The following NTN4 variants were observed in gnomAD, a reference collection of about 807,000 sequenced individuals.
NTN4 encodes the protein netrin-4.
Under a neutral mutation model 73.6 loss-of-function variants are expected in NTN4, and 32 were observed. The ratio of observed to expected loss-of-function variants is 0.44; its 90% CI spans 0.33 to 0.58. The LOEUF is 0.58. NTN4 is among the 20% of genes least tolerant of loss of function. NTN4 has a pLI of 0.04. For missense variants in NTN4, 654 were observed against 798.3 expected (o/e 0.82, Z 2.18); for synonymous variants, 258 against 287.5 (o/e 0.90, Z 1.04).
At chr12:95,766,052 C>A (rs1202491750) in intron 2 of NTN4, among the ~76,000 whole-genome samples, 1 of 152,130 alleles carries the variant, frequency 6.6e-6, no homozygotes, top group Non-Finnish European at 1.5e-5. Context: ...AAAATGTCAC[C>A]CATTAATACA....
At chr12:95,758,138 A>C (rs2078960349) in intron 2 of NTN4, among the ~76,000 whole-genome samples, 1 of 152,232 alleles carries the variant, frequency 6.6e-6, no homozygotes, top group East Asian at 1.9e-4. Flanking sequence ...GTGGATATTT[A>C]TAAGGAACTG....
intron 3 of NTN4, among the ~76,000 whole-genome samples, chr12:95,736,890 T>G (rs1209961909): frequency 6.6e-6 from 1 of 152,244 alleles, no homozygotes; most frequent in African/African-American, 2.4e-5. Flanking sequence ...TGGTGGCCTA[T>G]CGTATACTAG....
intron 2 of NTN4, among the ~76,000 whole-genome samples, chr12:95,775,605 G>A (rs7308791): frequency 0.61 from 93,340 of 152,118 alleles, 29,309 homozygotes; most frequent in South Asian, 0.78. Context: ...GTCTGAGATC[G>A]AACTGCAAGG....
chr12:95,665,672 A>G (rs1417887570), intron 9 of NTN4, 138 bp downstream of exon 9: 2 of 584,668 alleles, frequency 3.4e-6, no homozygotes, highest in African/African-American at 3.8e-5. Flanking sequence ...TTCCATTTGG[A>G]TTTTCCGCAG....
chr12:95,776,446 C>T (rs541433287), intron 2 of NTN4, among the ~76,000 whole-genome samples: 78 of 152,250 alleles, frequency 5.1e-4, no homozygotes, highest in Non-Finnish European at 9.4e-4. Context: ...CTAGAATAAC[C>T]AATGTAGAGA....
intron 5 of NTN4, among the ~76,000 whole-genome samples, chr12:95,709,940 A>G (rs1207692439): frequency 6.6e-6 from 1 of 152,238 alleles, no homozygotes; most frequent in African/African-American, 2.4e-5. Flanking sequence ...TTCCTAAATT[A>G]GTTATGATAG....
intron 2 of NTN4, among the ~76,000 whole-genome samples, chr12:95,771,732 G>T (rs186901072): frequency 8.7e-4 from 133 of 152,164 alleles, no homozygotes; most frequent in Non-Finnish European, 1.7e-3. Flanking sequence ...AAAATCTGAA[G>T]GTCTCTAAAA....
chr12:95,693,779 T>C (rs1362802228), intron 5 of NTN4, among the ~76,000 whole-genome samples: 1 of 150,950 alleles, frequency 6.6e-6, no homozygotes, highest in Non-Finnish European at 1.5e-5. Flanking sequence ...AACCTATTAC[T>C]CTTATTTTGT....
chr12:95,673,215 G>A lies in NTN4; in HGVS notation c.1511-3069C>T, dbSNP rs368427992. On this transcript the variant is annotated intron_variant, in intron 7 of 9. Coordinates refer to ENST00000343702, the MANE Select transcript of NTN4 (RefSeq NM_021229.4). ...ATGAGGACCAGTGGCTCCCATTTTC[G>A]TTTTAGCCATTTTTGTCTCCTGCAC... The A allele has an allele frequency of 8.6e-5, 38 of 439,446 alleles. No homozygotes were observed. The East Asian group carries it at 9.6e-4, about 11-fold the overall frequency. 27.2% of individuals were successfully genotyped at this position (439,446 alleles called of 1,614,324 possible).
intron 2 of NTN4, among the ~76,000 whole-genome samples, chr12:95,774,046 T>C (rs1011454178): frequency 6.6e-6 from 1 of 152,178 alleles, no homozygotes; most frequent in Non-Finnish European, 1.5e-5. Flanking sequence ...ATATACTTCT[T>C]CTATCTAATG....
chr12:95,710,960 C>T (rs2431013), intron 4 of NTN4, among the ~76,000 whole-genome samples: 49,241 of 152,008 alleles, frequency 0.32, 9,721 homozygotes, highest in East Asian at 0.57. Context: ...GCTGAGATTG[C>T]GCCACTGCAC....
At chr12:95,770,648 A>G (rs1368902827) in intron 2 of NTN4, among the ~76,000 whole-genome samples, 3 of 152,232 alleles carry the variant, frequency 2.0e-5, no homozygotes, top group Non-Finnish European at 2.9e-5. Context: ...AGTTCTTGAC[A>G]TAGATTAAAC....
intron 3 of NTN4, among the ~76,000 whole-genome samples, chr12:95,714,252 T>G (rs1291588302): frequency 1.3e-5 from 2 of 152,204 alleles, no homozygotes; most frequent in African/African-American, 4.8e-5. Context: ...TCCTGATAAC[T>G]GAGACTTGCA....
chr12:95,778,262 A>T (rs1379944469), intron 2 of NTN4, among the ~76,000 whole-genome samples: 1 of 152,174 alleles, frequency 6.6e-6, no homozygotes, highest in Non-Finnish European at 1.5e-5. Flanking sequence ...CTAGAGAAGC[A>T]AGAGCAAACA....
At chr12:95,758,595 C>G (rs1380494511) in intron 2 of NTN4, among the ~76,000 whole-genome samples, 1 of 152,006 alleles carries the variant, frequency 6.6e-6, no homozygotes, top group Non-Finnish European at 1.5e-5. Flanking sequence ...GGGTTTTGCC[C>G]TGTCGCTTGG....
At chr12:95,706,374 A>G (rs1369484140) in intron 5 of NTN4, among the ~76,000 whole-genome samples, 1 of 152,152 alleles carries the variant, frequency 6.6e-6, no homozygotes, top group African/African-American at 2.4e-5. Context: ...TCTCTTTTTA[A>G]TTGGTCAGAC....
In NTN4 at chr12:95,781,839, AAC is replaced by A. The variant is rs1391277259; in HGVS notation, c.585+5098_585+5099del. ...CTTAGTATTTACCACACTCCGACAT[AAC>A]ACAGATTTTACTTATTTGCTCTCTA... On this transcript the variant is annotated intron_variant, in intron 2 of 9. Coordinates refer to ENST00000343702, the MANE Select transcript of NTN4 (RefSeq NM_021229.4). The surrounding 1 kb of genome is among the most constrained non-coding windows in gnomAD (Gnocchi z 4.1). Among the ~76,000 whole-genome samples, 7 of 152,142 alleles carry A rather than the reference AAC, an allele frequency of 4.6e-5. No individual in the cohort carries two copies. Among genetic ancestry groups the A allele is most frequent in the Non-Finnish European group, 8.8e-5 (6 of 67,986 alleles).
intron 3 of NTN4, among the ~76,000 whole-genome samples, chr12:95,732,246 TTCTTTCTTTCTCTC>T (rs2078743097): frequency 6.6e-6 from 1 of 151,014 alleles, no homozygotes; most frequent in Non-Finnish European, 1.5e-5. Context: ...TTCTCTGTCT[TTCTTTCTTTCTCTC>T]CTTTCTTTCT....
chr12:95,759,488 TTTG>T lies in NTN4; in HGVS notation c.586-21347_586-21345del, dbSNP rs1324138601. ...TCTACTGTCAGTCCCTAGTAGTATT[TTTG>T]TTTTTTTTTTTTTTTGAGATGGGGT... On this transcript the variant is annotated intron_variant, in intron 2 of 9. Coordinates refer to ENST00000343702, the MANE Select transcript of NTN4 (RefSeq NM_021229.4). Among the ~76,000 whole-genome samples, 3 of 135,736 alleles carry T rather than the reference TTTG, an allele frequency of 2.2e-5. 1 individual carries two copies. Among genetic ancestry groups the T allele is most frequent in the Admixed American group, 1.4e-4 (2 of 14,428 alleles). The allele number at this position is 135,736 out of a possible 152,430, so 89.0% of individuals were successfully genotyped here. A position where few individuals can be genotyped will look rare whatever the true frequency, so the allele number is the denominator to read the frequency against.
Sources: gnomAD v4.1 joint callset for allele counts (sites outside exome capture counted in the v4.1 genomes callset) on GRCh38, gnomAD v4.1.1 for gene constraint, Gnocchi (gnomAD v3.1) non-coding constraint, MANE v1.5 for transcripts, NCBI Gene and HGNC (gene_info 2026-07-23, HGNC 2026-07-21) for gene names.